PXDNL: variants seen among roughly 807,000 people sequenced by gnomAD.
PXDNL encodes the protein probable oxidoreductase PXDNL.
Under a neutral mutation model 150.8 loss-of-function variants are expected in PXDNL, and 145 were observed. The observed-to-expected ratio is 0.96, with a 90% confidence interval of 0.84 to 1.10. The LOEUF is 1.10. Ranked by LOEUF, PXDNL falls within the 50% of genes least tolerant of loss-of-function variation. The probability of loss-of-function intolerance (pLI) is 0.00; values close to 1 mark genes in which losing one functional copy is unlikely to be tolerated. For synonymous variants in PXDNL, 757 were observed against 725.7 expected (o/e 1.04, Z -0.69); for missense variants, 2,087 against 1,873.9 (o/e 1.11, Z -2.10).
intron 17 of PXDNL, among the ~76,000 whole-genome samples, chr8:51,383,290 T>C (rs1031509141): frequency 5.9e-5 from 9 of 152,214 alleles, no homozygotes; most frequent in Non-Finnish European, 1.2e-4. Context: ...TTAATAGCTT[T>C]GGTATGTCAT....
chr8:51,754,959 G>A (rs536571585), intron 1 of PXDNL, among the ~76,000 whole-genome samples: 27 of 152,264 alleles, frequency 1.8e-4, no homozygotes, highest in East Asian at 5.8e-4. Flanking sequence ...CTGGCCTCAC[G>A]GGATCCTCCT....
Position 51,319,885 on chromosome 8 carries a change from C to G in PXDNL, c.*6G>C. The G allele has an allele frequency of 6.6e-7, 1 of 1,510,576 alleles. No individual in the cohort carries two copies. The highest frequency in any genetic ancestry group is 1.4e-5 in the African/African-American group (1 of 70,772). 93.6% of individuals were successfully genotyped at this position (1,510,576 alleles called of 1,614,324 possible). ...CCATTTGGGGCTCAACAGCACAAAA[C>G]TTTTATTAGCGCTTCTCTGGGGAAT... On this transcript the variant is annotated 3_prime_UTR_variant, in exon 23 of 23. Transcript: ENST00000356297.
At chr8:51,623,206 C>G (rs569680057) in intron 2 of PXDNL, among the ~76,000 whole-genome samples, 2 of 152,162 alleles carry the variant, frequency 1.3e-5, no homozygotes, top group African/African-American at 4.8e-5. Flanking sequence ...CTGGAGAAAG[C>G]GATTCCCCAG....
chr8:51,734,669 T>C (rs1563303969), intron 1 of PXDNL, among the ~76,000 whole-genome samples: 1 of 152,246 alleles, frequency 6.6e-6, no homozygotes, highest in Non-Finnish European at 1.5e-5. Flanking sequence ...ATCTGGTATT[T>C]CCTATGTTGA....
chr8:51,521,988 A>C (rs1387024273), intron 4 of PXDNL, among the ~76,000 whole-genome samples: 1 of 152,216 alleles, frequency 6.6e-6, no homozygotes, highest in Non-Finnish European at 1.5e-5. Flanking sequence ...AAATAAACAT[A>C]ACTAAGAAAA....
intron 8 of PXDNL, among the ~76,000 whole-genome samples, chr8:51,465,343 T>A (rs1354304352): frequency 6.6e-6 from 1 of 151,506 alleles, no homozygotes; most frequent in Non-Finnish European, 1.5e-5. Flanking sequence ...TTCTATAAAA[T>A]CCAACATTCC....
chr8:51,482,519 G>A (rs1325743356), intron 6 of PXDNL, among the ~76,000 whole-genome samples: 2 of 152,082 alleles, frequency 1.3e-5, no homozygotes, highest in Non-Finnish European at 2.9e-5. Flanking sequence ...TCAAATGTGA[G>A]GATATGAGAT....
At chr8:51,611,159 T>A (rs770685788) in intron 2 of PXDNL, among the ~76,000 whole-genome samples, 1 of 152,148 alleles carries the variant, frequency 6.6e-6, no homozygotes, top group Non-Finnish European at 1.5e-5. Context: ...TATTTGTATA[T>A]CCAAGCAAAA....
At chr8:51,716,163 T>C (rs1294500795) in intron 1 of PXDNL, among the ~76,000 whole-genome samples, 1 of 152,120 alleles carries the variant, frequency 6.6e-6, no homozygotes, top group Non-Finnish European at 1.5e-5. Context: ...GAAACAAAAT[T>C]CCATGTGGGT....
chr8:51,450,931 C>T (rs984769508), intron 10 of PXDNL, among the ~76,000 whole-genome samples: 7 of 151,946 alleles, frequency 4.6e-5, no homozygotes, highest in Non-Finnish European at 1.0e-4. Context: ...ACACTAACTC[C>T]CAAAATTACT....
At chr8:51,764,238 G>T (rs547801340) in intron 1 of PXDNL, among the ~76,000 whole-genome samples, 106 of 151,766 alleles carry the variant, frequency 7.0e-4, no homozygotes, top group Non-Finnish European at 1.3e-3. Context: ...TCAATTTTTT[G>T]ACCTTTTTAA....
intron 2 of PXDNL, among the ~76,000 whole-genome samples, chr8:51,617,618 A>G (rs1344004264): frequency 6.6e-6 from 1 of 152,224 alleles, no homozygotes; most frequent in Non-Finnish European, 1.5e-5. Context: ...TCTACTAAAC[A>G]TTAGTAAGCT....
intron 1 of PXDNL, among the ~76,000 whole-genome samples, chr8:51,690,731 T>C (rs1396497481): frequency 2.6e-5 from 4 of 151,500 alleles, no homozygotes; most frequent in African/African-American, 9.7e-5. Flanking sequence ...TCTAGATCCC[T>C]GAGGAATCGC....
chr8:51,328,522 A>G (rs1248256641), intron 21 of PXDNL, among the ~76,000 whole-genome samples: 2 of 152,208 alleles, frequency 1.3e-5, no homozygotes, highest in East Asian at 3.8e-4. Flanking sequence ...TTAACCAGAT[A>G]GCTGGGCATC....
intron 3 of PXDNL, among the ~76,000 whole-genome samples, chr8:51,572,764 G>A (rs1804844857): frequency 6.6e-6 from 1 of 151,690 alleles, no homozygotes; most frequent in Admixed American, 6.6e-5. Context: ...TCACATATTG[G>A]ACAGCTGTGA....
intron 2 of PXDNL, among the ~76,000 whole-genome samples, chr8:51,645,819 CAGTT>C (rs1814906830): frequency 6.6e-6 from 1 of 152,076 alleles, no homozygotes; most frequent in Admixed American, 6.6e-5. Context: ...GTTGTGCAGA[CAGTT>C]ACGTGAAATC....
At chr8:51,322,976 G>T (rs1186061769) in intron 21 of PXDNL, among the ~76,000 whole-genome samples, 1 of 152,112 alleles carries the variant, frequency 6.6e-6, no homozygotes, top group Non-Finnish European at 1.5e-5. Context: ...GAATGGAGAG[G>T]ATGATAAGAC....
chr8:51,775,599 C>T (rs1233522045), intron 1 of PXDNL, among the ~76,000 whole-genome samples: 1 of 152,196 alleles, frequency 6.6e-6, no homozygotes, highest in South Asian at 2.1e-4. Context: ...GCCTTTACTG[C>T]AATCTCTGAA....
rs189647018 is a variant in PXDNL at position 51,702,821 on chromosome 8, A to T, written c.165-48061T>A. ...CCCCCACTTGATCAGTTGTTGTCAAATGTATCCAATCAATCCAGAAATATA... is the reference window on the plus strand; with the variant it reads ...CCCCCACTTGATCAGTTGTTGTCAATTGTATCCAATCAATCCAGAAATATA... On this transcript the variant is annotated intron_variant, in intron 1 of 22. Transcript: ENST00000356297. 5.2e-3 allele frequency among the ~76,000 whole-genome samples: 789 copies of T among 152,170 alleles called. 6 individuals are homozygous for T. The highest frequency in any genetic ancestry group is 8.9e-3 in the Non-Finnish European group (602 of 67,996).
Sources: gnomAD v4.1 joint callset for allele counts (sites outside exome capture counted in the v4.1 genomes callset) on GRCh38, gnomAD v4.1.1 for gene constraint, MANE v1.5 for transcripts, NCBI Gene and HGNC (gene_info 2026-07-23, HGNC 2026-07-21) for gene names.